KIAA1328: variants seen among roughly 807,000 people sequenced by gnomAD.
KIAA1328 encodes KIAA1328.
Under a neutral mutation model 68.1 loss-of-function variants are expected in KIAA1328, and 52 were observed. That is an observed-to-expected ratio of 0.76 (90% confidence interval 0.61 to 0.96). The LOEUF (loss-of-function observed/expected upper bound fraction) is 0.96, where lower values mean the gene tolerates loss of function less well. Among genes scored for constraint, KIAA1328 ranks in the 40% least tolerant of loss-of-function variants. The pLI is 0.00. For synonymous variants in KIAA1328, 232 were observed against 239.4 expected, an observed-to-expected ratio of 0.97 and a Z score of 0.28; for missense variants, 641 against 677.6, an observed-to-expected ratio of 0.95 and a Z score of 0.60.
chr18:37,074,594 A>C (rs936913697), intron 7 of KIAA1328, among the ~76,000 whole-genome samples: 8 of 152,196 alleles, frequency 5.3e-5, no homozygotes, highest in African/African-American at 1.7e-4. Context: ...TCGGCTCCTG[A>C]GGCTTCTGCA....
intron 7 of KIAA1328, among the ~76,000 whole-genome samples, chr18:37,076,642 T>C (rs2056747126): frequency 6.6e-6 from 1 of 151,646 alleles, no homozygotes; most frequent in African/African-American, 2.4e-5. Flanking sequence ...TAAAAAATGA[T>C]CAAGGGGATA....
chr18:37,078,467 A>C (rs1488650433), intron 7 of KIAA1328, among the ~76,000 whole-genome samples: 1 of 151,492 alleles, frequency 6.6e-6, no homozygotes, highest in Admixed American at 6.6e-5. Flanking sequence ...ACAAAAGCCA[A>C]AATTGACAAA....
chr18:37,167,284 G>A (rs73421152), intron 8 of KIAA1328, among the ~76,000 whole-genome samples: 4,646 of 152,230 alleles, frequency 0.031, 247 homozygotes, highest in African/African-American at 0.11. Context: ...TAGGTGGCTC[G>A]TGTTAACCAG....
At chr18:37,112,798 G>A (rs2057974399) in intron 7 of KIAA1328, among the ~76,000 whole-genome samples, 1 of 152,176 alleles carries the variant, frequency 6.6e-6, no homozygotes, top group Non-Finnish European at 1.5e-5. Context: ...AATAAACAGT[G>A]TAGAGAAAGC....
At chr18:36,919,185 G>A (rs2049826202) in intron 5 of KIAA1328, among the ~76,000 whole-genome samples, 2 of 151,986 alleles carry the variant, frequency 1.3e-5, no homozygotes, top group South Asian at 4.2e-4. Flanking sequence ...CTCCATACTT[G>A]TTAATACTTC....
chr18:36,894,591 CAT>C (rs2048809308), intron 5 of KIAA1328, among the ~76,000 whole-genome samples: 1 of 151,988 alleles, frequency 6.6e-6, no homozygotes, highest in Non-Finnish European at 1.5e-5. Flanking sequence ...GTGGTGCAGT[CAT>C]GGCTCACTGC....
At chr18:37,086,473 C>T (rs1199767955) in intron 7 of KIAA1328, among the ~76,000 whole-genome samples, 2 of 152,058 alleles carry the variant, frequency 1.3e-5, no homozygotes, top group African/African-American at 4.8e-5. Flanking sequence ...CTGAAATTTC[C>T]TTACCTATCA....
chr18:37,114,378 T>C (rs2058039625), intron 7 of KIAA1328, among the ~76,000 whole-genome samples: 1 of 152,262 alleles, frequency 6.6e-6, no homozygotes, highest in East Asian at 1.9e-4. Context: ...CTCAACTACA[T>C]GGAAACTGAA....
At chr18:37,101,533 A>G (rs192787445) in intron 7 of KIAA1328, among the ~76,000 whole-genome samples, 2 of 152,346 alleles carry the variant, frequency 1.3e-5, no homozygotes, top group South Asian at 2.1e-4. Flanking sequence ...GACCAAATCT[A>G]CATCTGATTG....
At chr18:37,135,742 G>A (rs938329199) in intron 7 of KIAA1328, among the ~76,000 whole-genome samples, 3 of 151,992 alleles carry the variant, frequency 2.0e-5, no homozygotes, top group African/African-American at 4.8e-5. Flanking sequence ...GGACTTAATC[G>A]TAAATTATTT....
At chr18:36,871,765 G>A (rs2047952922) in intron 4 of KIAA1328, among the ~76,000 whole-genome samples, 3 of 152,002 alleles carry the variant, frequency 2.0e-5, no homozygotes, top group Non-Finnish European at 4.4e-5. Context: ...CAACCAAGCA[G>A]AAATCTAAGG....
chr18:37,197,089 T>C (rs1020102399), intron 9 of KIAA1328, among the ~76,000 whole-genome samples: 1 of 152,080 alleles, frequency 6.6e-6, no homozygotes, highest in African/African-American at 2.4e-5. Context: ...TCATAATTGT[T>C]TGTAATGGTC....
At chr18:37,027,984 A>C (rs927816491) in intron 6 of KIAA1328, among the ~76,000 whole-genome samples, 2 of 152,224 alleles carry the variant, frequency 1.3e-5, no homozygotes, top group African/African-American at 2.4e-5. Context: ...TAATATCCAG[A>C]ATCTACAAAG....
intron 7 of KIAA1328, among the ~76,000 whole-genome samples, chr18:37,069,992 T>C (rs1387851665): frequency 2.6e-5 from 4 of 152,180 alleles, no homozygotes; most frequent in African/African-American, 9.7e-5. Flanking sequence ...CTGATTCAGC[T>C]ATGTCCCACA....
chr18:37,196,927 C>T (rs992715802), intron 9 of KIAA1328, among the ~76,000 whole-genome samples: 8 of 151,942 alleles, frequency 5.3e-5, no homozygotes, highest in South Asian at 2.1e-4. Context: ...TGATGGGAGA[C>T]TTACAAAAAG....
intron 7 of KIAA1328, among the ~76,000 whole-genome samples, chr18:37,140,715 A>G (rs542688575): frequency 6.6e-6 from 1 of 152,266 alleles, no homozygotes; most frequent in Admixed American, 6.5e-5. Context: ...CTATCTTGAT[A>G]TTGATTATTT....
intron 6 of KIAA1328, among the ~76,000 whole-genome samples, chr18:36,975,536 T>C (rs1290792371): frequency 2.0e-5 from 3 of 152,122 alleles, no homozygotes; most frequent in Non-Finnish European, 4.4e-5. Context: ...AATACTGACA[T>C]ATATATTGAG....
intron 7 of KIAA1328, among the ~76,000 whole-genome samples, chr18:37,155,759 C>T (rs145548939): frequency 2.0e-5 from 3 of 152,170 alleles, no homozygotes; most frequent in East Asian, 3.9e-4. Flanking sequence ...ATGATCTGAC[C>T]TGCCCTGTCT....
chr18:37,151,751 A>G (rs1245190207), intron 7 of KIAA1328, among the ~76,000 whole-genome samples: 1 of 152,188 alleles, frequency 6.6e-6, no homozygotes, highest in African/African-American at 2.4e-5. Context: ...CTTGATCCCT[A>G]CCTCACATCC....
Sources: allele counts gnomAD v4.1 joint callset (sites outside exome capture counted in the v4.1 genomes callset), GRCh38; gene constraint gnomAD v4.1.1; transcripts MANE v1.5; gene names NCBI Gene and HGNC (gene_info 2026-07-23, HGNC 2026-07-21).